Variants in CBFA2T2 observed in about 807,000 individuals in gnomAD.
CBFA2T2 encodes protein CBFA2T2.
CBFA2T2 carries 11 observed loss-of-function variants against 62.2 expected under a neutral mutation model. That is an observed-to-expected ratio of 0.18 (90% CI 0.11 to 0.29). The LOEUF is 0.29. Ranked by LOEUF, CBFA2T2 falls within the 10% of genes least tolerant of loss-of-function variation. The probability of loss-of-function intolerance (pLI) is 1.00; values close to 1 mark genes in which losing one functional copy is unlikely to be tolerated. For synonymous variants in CBFA2T2, 295 were observed against 287.5 expected, an observed-to-expected ratio of 1.03 and a Z score of -0.27; for missense variants, 592 against 774.1, an observed-to-expected ratio of 0.76 and a Z score of 2.79.
chr20:33,589,684 C>G (rs1397080752), intron 1 of CBFA2T2, among the ~76,000 whole-genome samples: 2 of 152,112 alleles, frequency 1.3e-5, no homozygotes, highest in African/African-American at 4.8e-5. Context: ...GAAATATCCC[C>G]ACTATCAGAG....
At chr20:33,626,213 C>A (rs1243398982) in intron 6 of CBFA2T2, among the ~76,000 whole-genome samples, 1 of 152,226 alleles carries the variant, frequency 6.6e-6, no homozygotes, top group Non-Finnish European at 1.5e-5. Flanking sequence ...GCACTCCCCT[C>A]CTGGGCAACA....
intron 1 of CBFA2T2, among the ~76,000 whole-genome samples, chr20:33,578,903 C>T (rs1399106883): frequency 6.6e-6 from 1 of 152,066 alleles, no homozygotes; most frequent in Non-Finnish European, 1.5e-5. Flanking sequence ...AGCTATTGTA[C>T]AAAGACCTGG....
intron 1 of CBFA2T2, among the ~76,000 whole-genome samples, chr20:33,548,966 GTCCATCCGTCCA>G (rs2012655634): frequency 6.8e-6 from 1 of 147,022 alleles, no homozygotes; most frequent in Non-Finnish European, 1.5e-5. Context: ...CTGTCCATCT[GTCCATCCGTCCA>G]TCCATCCATC....
intron 1 of CBFA2T2, 51 bp downstream of exon 1, chr20:33,490,352 G>T: frequency 8.0e-7 from 1 of 1,257,276 alleles, no homozygotes; most frequent in Non-Finnish European, 1.0e-6. Flanking sequence ...GAGGGCCTGC[G>T]GCTCCGCAGG....
chr20:33,601,114 C>G (rs6087503), intron 1 of CBFA2T2, among the ~76,000 whole-genome samples: 1 of 152,060 alleles, frequency 6.6e-6, no homozygotes, highest in African/African-American at 2.4e-5. Flanking sequence ...ACTTCATGGC[C>G]TAAAATGATA....
chr20:33,534,751 CTTTTTTTTTTTT>C (rs11167206), intron 1 of CBFA2T2, among the ~76,000 whole-genome samples: 2 of 92,962 alleles, frequency 2.2e-5, no homozygotes, highest in African/African-American at 4.2e-5. Context: ...ATCTTTTTAG[CTTTTTTTTTTTT>C]TTTTTTTTTG....
In CBFA2T2 at chr20:33,641,867, CT is replaced by C. The variant is rs770790247; in HGVS notation, c.1488+1351del. Among the ~76,000 whole-genome samples, 973 of 135,328 alleles carry C rather than the reference CT, an allele frequency of 7.2e-3. 1 individual carries two copies. The highest frequency in any genetic ancestry group is 7.9e-3 in the Middle Eastern group (2 of 252). 88.8% of individuals were successfully genotyped at this position (135,328 alleles called of 152,430 possible). A position where few individuals can be genotyped will look rare whatever the true frequency, so the allele number is the denominator to read the frequency against. On this transcript the variant is annotated intron_variant, in intron 10 of 10. Coordinates refer to ENST00000342704, the MANE Select transcript of CBFA2T2 (RefSeq NM_001032999.3). ...CCAAAGTGCTGGGATTACAGATGGG[CT>C]TTTTTTTTTTTTTTAACAAACAATA...
At chr20:33,504,854 A>G (rs1049466708) in intron 1 of CBFA2T2, among the ~76,000 whole-genome samples, 1 of 152,162 alleles carries the variant, frequency 6.6e-6, no homozygotes, top group Non-Finnish European at 1.5e-5. Context: ...AGGAAGCACT[A>G]TATCTGGGTG....
chr20:33,545,010 T>TAGAATAGAAC lies in CBFA2T2; in HGVS notation c.34+54713_34+54714insTAGAACAGAA, dbSNP rs1428313497. ...TAGAATAGAATAGAATAGAATAGAA[T>TAGAATAGAAC]AGAACAGAACAGAATGCAAGGTAGA... On this transcript the variant is annotated intron_variant, in intron 1 of 10. Transcript: ENST00000342704. Among the ~76,000 whole-genome samples, 405 of 113,902 alleles carry TAGAATAGAAC rather than the reference T, an allele frequency of 3.6e-3. 2 individuals are homozygous for TAGAATAGAAC. The highest frequency in any genetic ancestry group is 0.011 in the African/African-American group (333 of 29,912). 74.7% of individuals were successfully genotyped at this position (113,902 alleles called of 152,430 possible). A position where few individuals can be genotyped will look rare whatever the true frequency, so the allele number is the denominator to read the frequency against.
intron 1 of CBFA2T2, among the ~76,000 whole-genome samples, chr20:33,492,074 G>C (rs1008212434): frequency 1.3e-5 from 2 of 151,970 alleles, no homozygotes; most frequent in African/African-American, 4.8e-5. Context: ...AGTAGAGACG[G>C]TTTTACCATG....
intron 1 of CBFA2T2, among the ~76,000 whole-genome samples, chr20:33,504,622 C>G (rs959883133): frequency 6.6e-6 from 1 of 151,798 alleles, no homozygotes; most frequent in Non-Finnish European, 1.5e-5. Flanking sequence ...CAGACTGTCT[C>G]GAAATCCTGA....
chr20:33,620,186 T>A, intron 4 of CBFA2T2, among the ~76,000 whole-genome samples: 1 of 152,142 alleles, frequency 6.6e-6, no homozygotes, highest in East Asian at 1.9e-4. Context: ...ATGTTATATA[T>A]GTTATATTTA....
intron 3 of CBFA2T2, 151 bp from the exon 4 acceptor site, chr20:33,619,366 C>A: frequency 2.3e-6 from 1 of 437,670 alleles, no homozygotes; most frequent in Non-Finnish European, 3.9e-6. Flanking sequence ...GAGACCGCGC[C>A]ACTGCGCTCT....
intron 1 of CBFA2T2, among the ~76,000 whole-genome samples, chr20:33,596,590 G>A (rs986856778): frequency 6.6e-6 from 1 of 151,684 alleles, no homozygotes; most frequent in African/African-American, 2.4e-5. Flanking sequence ...TGTCTTTCAT[G>A]ATCTCTAAGA....
chr20:33,604,436 T>C (rs960818851), intron 1 of CBFA2T2, among the ~76,000 whole-genome samples: 15 of 152,216 alleles, frequency 9.9e-5, no homozygotes, highest in African/African-American at 3.6e-4. Context: ...AGAATGAGAA[T>C]TCACACGGAA....
chr20:33,503,358 G>A (rs935082770), intron 1 of CBFA2T2, among the ~76,000 whole-genome samples: 2 of 147,082 alleles, frequency 1.4e-5, no homozygotes, highest in African/African-American at 5.0e-5. Context: ...GGGTTCAAGC[G>A]ATTCTCCTGC....
intron 3 of CBFA2T2, 70 bp from the exon 4 acceptor site, chr20:33,619,447 A>AAT: frequency 2.7e-6 from 2 of 730,296 alleles, no homozygotes; most frequent in Non-Finnish European, 2.2e-6. Context: ...AAAAAAAAAA[A>AAT]GAAGAGTTTG....
intron 6 of CBFA2T2, among the ~76,000 whole-genome samples, chr20:33,626,386 A>C (rs1221568253): frequency 6.6e-6 from 1 of 152,234 alleles, no homozygotes; most frequent in African/African-American, 2.4e-5. Context: ...ATCTCAGGCA[A>C]GTTGCTTGGG....
intron 1 of CBFA2T2, among the ~76,000 whole-genome samples, chr20:33,586,680 G>A (rs1204557298): frequency 6.6e-6 from 1 of 152,086 alleles, no homozygotes; most frequent in African/African-American, 2.4e-5. Context: ...CTTGGTTAAA[G>A]CATAAAGGGC....
Sources: allele counts gnomAD v4.1 joint callset (sites outside exome capture counted in the v4.1 genomes callset), GRCh38; gene constraint gnomAD v4.1.1; transcripts MANE v1.5; gene names NCBI Gene and HGNC (gene_info 2026-07-23, HGNC 2026-07-21).